PTPN2: variants seen among roughly 807,000 people sequenced by gnomAD.
The protein encoded by PTPN2 is protein tyrosine phosphatase non-receptor type 2, also known as tyrosine-protein phosphatase non-receptor type 2.
PTPN2 carries 19 observed loss-of-function variants against 57.3 expected under a neutral mutation model. The ratio of observed to expected loss-of-function variants is 0.33; its 90% CI spans 0.23 to 0.49. The LOEUF (loss-of-function observed/expected upper bound fraction) is 0.49. Among genes scored for constraint, PTPN2 ranks in the 20% least tolerant of loss-of-function variants. PTPN2 has a pLI of 0.99. For missense variants in PTPN2, 358 were observed against 501.1 expected, an observed-to-expected ratio of 0.71 and a Z score of 2.73; for synonymous variants, 153 against 164.9, an observed-to-expected ratio of 0.93 and a Z score of 0.55.
At chr18:12,876,173 G>T (rs1218822395) in intron 1 of PTPN2, among the ~76,000 whole-genome samples, 1 of 151,392 alleles carries the variant, frequency 6.6e-6, no homozygotes, top group Non-Finnish European at 1.5e-5. Flanking sequence ...CAAAATTCTG[G>T]TTAAGGGCTG....
chr18:12,833,740 G>C (rs2042751796), intron 3 of PTPN2, among the ~76,000 whole-genome samples: 1 of 152,114 alleles, frequency 6.6e-6, no homozygotes, highest in African/African-American at 2.4e-5. Flanking sequence ...CAACAGGACA[G>C]GTGTAATTGA....
chr18:12,785,854 A>C, intron 9 of PTPN2: 1 of 1,600,348 alleles, frequency 6.2e-7, no homozygotes, highest in Non-Finnish European at 8.6e-7. Context: ...CCTAAAACAT[A>C]AAATAAGAAG....
At chr18:12,883,330 G>A (rs2044728528) in intron 1 of PTPN2, among the ~76,000 whole-genome samples, 1 of 152,254 alleles carries the variant, frequency 6.6e-6, no homozygotes, top group Admixed American at 6.5e-5. Context: ...TTCGTTCCGG[G>A]AAGGTTCTAT....
At chr18:12,807,578 A>AG in intron 7 of PTPN2, among the ~76,000 whole-genome samples, 1 of 59,256 alleles carries the variant, frequency 1.7e-5, no homozygotes, top group South Asian at 1.7e-3. Context: ...GAAAAAAAAA[A>AG]AAAAAAAAAT....
chr18:12,797,932 C>T (rs983451159), intron 8 of PTPN2, among the ~76,000 whole-genome samples: 5 of 152,060 alleles, frequency 3.3e-5, no homozygotes, highest in African/African-American at 1.2e-4. Context: ...TGCCATGTTG[C>T]GCAGGCTGGT....
chr18:12,882,387 T>C (rs796207461), intron 1 of PTPN2, among the ~76,000 whole-genome samples: 10 of 152,376 alleles, frequency 6.6e-5, no homozygotes, highest in African/African-American at 2.4e-4. Context: ...GGATGCGAGT[T>C]AAGTTCATTT....
intron 2 of PTPN2, among the ~76,000 whole-genome samples, chr18:12,857,514 CA>C (rs1313738962): frequency 6.6e-6 from 1 of 152,158 alleles, no homozygotes; most frequent in Non-Finnish European, 1.5e-5. Context: ...CTACAATTTT[CA>C]AAATCAAAAG....
At chr18:12,811,653 C>G (rs1298505511) in intron 7 of PTPN2, among the ~76,000 whole-genome samples, 1 of 152,140 alleles carries the variant, frequency 6.6e-6, no homozygotes, top group Non-Finnish European at 1.5e-5. Context: ...CAAACTCACT[C>G]ATGCCTATAT....
chr18:12,868,634 T>C (rs77162829), intron 1 of PTPN2, among the ~76,000 whole-genome samples: 1,901 of 151,182 alleles, frequency 0.013, 18 homozygotes, highest in South Asian at 0.036. Flanking sequence ...TCTTTCTTTT[T>C]AAAAACTTCA....
At chr18:12,807,586 A>AAATATATATAT in intron 7 of PTPN2, among the ~76,000 whole-genome samples, 5 of 35,198 alleles carry the variant, frequency 1.4e-4, no homozygotes, top group East Asian at 1.4e-3. Context: ...AAAAAAAAAA[A>AAATATATATAT]ATATATATAT....
intron 4 of PTPN2, 97 bp from the exon 5 acceptor site, chr18:12,826,041 A>T (rs537811855): frequency 1.0e-6 from 1 of 974,340 alleles, no homozygotes; most frequent in East Asian, 2.7e-5. Flanking sequence ...TATACATGCT[A>T]TATTTTTTCA....
intron 5 of PTPN2, 23 bp from the exon 6 acceptor site, chr18:12,817,388 G>T (rs1367668090): frequency 7.0e-6 from 11 of 1,579,390 alleles, no homozygotes; most frequent in Admixed American, 1.7e-5. Context: ...AATCAAGGGA[G>T]AAGTTAGTTC....
chr18:12,820,401 A>G (rs1025927642), intron 5 of PTPN2, among the ~76,000 whole-genome samples: 4 of 152,168 alleles, frequency 2.6e-5, no homozygotes, highest in African/African-American at 9.7e-5. Flanking sequence ...TAAGATGCAT[A>G]TATTTACTAC....
At chr18:12,846,106 T>C (rs887055102) in intron 2 of PTPN2, among the ~76,000 whole-genome samples, 1 of 152,244 alleles carries the variant, frequency 6.6e-6, no homozygotes, top group African/African-American at 2.4e-5. Flanking sequence ...ATTTTTGGCA[T>C]GTTCATCTCA....
intron 1 of PTPN2, among the ~76,000 whole-genome samples, chr18:12,882,739 T>C (rs1279687861): frequency 2.6e-5 from 4 of 152,240 alleles, no homozygotes; most frequent in African/African-American, 9.6e-5. Flanking sequence ...AGAATATTTA[T>C]ACTTCCCACT....
chr18:12,811,312 T>C (rs1447767268), intron 7 of PTPN2, among the ~76,000 whole-genome samples: 1 of 152,150 alleles, frequency 6.6e-6, no homozygotes, highest in Admixed American at 6.5e-5. Context: ...TGGTCAATTT[T>C]TGAAGTTTCC....
In PTPN2 at chr18:12,870,287, A is replaced by G. The variant is rs1285621621; in HGVS notation, c.70-11033T>C. ...TATATATATATGTATATATATACAT[A>G]TACATATATATGTGTATATATACAT... On this transcript the variant is annotated intron_variant, in intron 1 of 8. Transcript: ENST00000309660. Among the ~76,000 whole-genome samples, 4 of 67,506 alleles carry G rather than the reference A, an allele frequency of 5.9e-5. 1 individual carries two copies. Among genetic ancestry groups the G allele is most frequent in the African/African-American group, 1.7e-4 (2 of 11,448 alleles). The allele number at this position is 67,506 out of a possible 152,430, so 44.3% of individuals were successfully genotyped here.
intron 3 of PTPN2, among the ~76,000 whole-genome samples, chr18:12,832,478 TA>T (rs1279405437): frequency 6.6e-6 from 1 of 152,184 alleles, no homozygotes; most frequent in South Asian, 2.1e-4. Context: ...CAATAAATAT[TA>T]CTTAAATGAA....
intron 1 of PTPN2, among the ~76,000 whole-genome samples, chr18:12,877,698 T>C (rs2044534942): frequency 6.6e-6 from 1 of 152,232 alleles, no homozygotes; most frequent in Non-Finnish European, 1.5e-5. Context: ...TAGCAATATT[T>C]GAACTACAAA....
Sources: allele counts gnomAD v4.1 joint callset (sites outside exome capture counted in the v4.1 genomes callset), GRCh38; gene constraint gnomAD v4.1.1; transcripts MANE v1.5; gene names NCBI Gene and HGNC (gene_info 2026-07-23, HGNC 2026-07-21).